SLC4A4: variants seen among roughly 807,000 people sequenced by gnomAD.
SLC4A4 encodes electrogenic sodium bicarbonate cotransporter 1.
SLC4A4 carries 27 observed loss-of-function variants against 111.5 expected under a neutral mutation model. The ratio of observed to expected loss-of-function variants is 0.24; its 90% CI spans 0.18 to 0.33. SLC4A4 has a LOEUF of 0.33. SLC4A4 is among the 10% of genes least tolerant of loss of function. SLC4A4 has a pLI of 1.00. For synonymous variants in SLC4A4, 443 were observed against 463.4 expected, an observed-to-expected ratio of 0.96 and a Z score of 0.57; for missense variants, 909 against 1,315.5, an observed-to-expected ratio of 0.69 and a Z score of 4.78.
intron 6 of SLC4A4, among the ~76,000 whole-genome samples, chr4:71,385,189 A>T (rs370672917): frequency 1.4e-3 from 21 of 14,978 alleles, no homozygotes; most frequent in Admixed American, 2.3e-3. Context: ...ATATATATAT[A>T]TATTTTTTTT....
chr4:71,533,057 T>G (rs1465641675), intron 17 of SLC4A4, among the ~76,000 whole-genome samples: 1 of 152,138 alleles, frequency 6.6e-6, no homozygotes, highest in Admixed American at 6.6e-5. Context: ...ATAATCCTCC[T>G]TCCCTCCACT....
At chr4:71,311,795 A>G (rs959586404) in intron 3 of SLC4A4, among the ~76,000 whole-genome samples, 1 of 151,962 alleles carries the variant, frequency 6.6e-6, no homozygotes, top group African/African-American at 2.4e-5. Flanking sequence ...GAGAGCAAAC[A>G]AATTTAAAAG....
chr4:71,522,522 A>T (rs1273118683), intron 16 of SLC4A4, among the ~76,000 whole-genome samples: 1 of 152,230 alleles, frequency 6.6e-6, no homozygotes, highest in African/African-American at 2.4e-5. Context: ...AAACAGCAGT[A>T]TTGGGACTAG....
At chr4:71,229,956 C>G (rs1304690798) in intron 1 of SLC4A4, among the ~76,000 whole-genome samples, 1 of 151,822 alleles carries the variant, frequency 6.6e-6, no homozygotes, top group Non-Finnish European at 1.5e-5. Flanking sequence ...ATCGCTCTTC[C>G]CTGTCGCCTG....
chr4:71,162,764 C>T (rs1001682539), intron 2 of SLC4A4, among the ~76,000 whole-genome samples: 2 of 152,104 alleles, frequency 1.3e-5, no homozygotes, highest in African/African-American at 2.4e-5. Flanking sequence ...TAATTCTTTA[C>T]GGCTACCATG....
At chr4:71,364,357 C>A (rs777044359) in intron 6 of SLC4A4, among the ~76,000 whole-genome samples, 1 of 152,098 alleles carries the variant, frequency 6.6e-6, no homozygotes, top group Non-Finnish European at 1.5e-5. Flanking sequence ...AAATGAGATA[C>A]CTTTGTGAAA....
intron 1 of SLC4A4, among the ~76,000 whole-genome samples, chr4:71,079,692 C>T (rs1741940586): frequency 6.6e-6 from 1 of 151,640 alleles, no homozygotes; most frequent in Admixed American, 6.6e-5. Flanking sequence ...GGGAGGATCA[C>T]TTGAGCCTGG....
intron 2 of SLC4A4, among the ~76,000 whole-genome samples, chr4:71,139,179 TTGTGTGTGTGTGTGTGTG>T (rs57359640): frequency 5.5e-5 from 8 of 144,544 alleles, no homozygotes; most frequent in South Asian, 2.3e-4. Flanking sequence ...TCCCTTTTCT[TTGTGTGTGTGTGTGTGTG>T]TGTGTGTGTG....
chr4:71,556,785 G>A (rs958441043), intron 21 of SLC4A4, among the ~76,000 whole-genome samples: 1 of 151,960 alleles, frequency 6.6e-6, no homozygotes, highest in African/African-American at 2.4e-5. Flanking sequence ...AACCCTTTAA[G>A]TAGGAAATCA....
intron 3 of SLC4A4, among the ~76,000 whole-genome samples, chr4:71,312,620 A>G (rs1188102042): frequency 6.6e-6 from 1 of 152,220 alleles, no homozygotes; most frequent in Non-Finnish European, 1.5e-5. Context: ...GGTTCAACAT[A>G]TGCAAATCAA....
intron 6 of SLC4A4, among the ~76,000 whole-genome samples, chr4:71,393,663 A>G (rs1394045088): frequency 6.6e-6 from 1 of 152,118 alleles, no homozygotes; most frequent in Non-Finnish European, 1.5e-5. Flanking sequence ...AGAAAAAAAA[A>G]TTCCAAAATT....
At chr4:71,276,650 A>G (rs1723093338) in intron 3 of SLC4A4, among the ~76,000 whole-genome samples, 1 of 146,150 alleles carries the variant, frequency 6.8e-6, no homozygotes, top group South Asian at 2.1e-4. Flanking sequence ...ATCGTTCATT[A>G]TTTTTGTTGC....
Position 71,339,518 on chromosome 4 carries a change from T to C in SLC4A4, c.389+13T>C, listed in dbSNP as rs762383931. 2.5e-6 allele frequency: 4 copies of C among 1,612,030 alleles called. No homozygotes were observed. The East Asian group carries it at 8.9e-5, about 36-fold the overall frequency. ...AGGAAACAGCCAGGTGAGGCATAGC[T>C]GACTGTATGTAGTACTGACCCAGGG... On this transcript the variant is annotated intron_variant, in intron 4 of 25. Coordinates refer to ENST00000264485, the MANE Select transcript of SLC4A4 (RefSeq NM_001098484.3).
At chr4:71,362,688 A>G (rs1730899719) in intron 6 of SLC4A4, among the ~76,000 whole-genome samples, 1 of 152,174 alleles carries the variant, frequency 6.6e-6, no homozygotes, top group African/African-American at 2.4e-5. Flanking sequence ...CCTCTTACGT[A>G]ATAATTTGTT....
At chr4:71,268,625 T>C (rs942257536) in intron 3 of SLC4A4, among the ~76,000 whole-genome samples, 2 of 152,238 alleles carry the variant, frequency 1.3e-5, no homozygotes, top group African/African-American at 4.8e-5. Context: ...ATTGTACTTT[T>C]GAAGTCTGTG....
intron 3 of SLC4A4, among the ~76,000 whole-genome samples, chr4:71,263,825 T>C (rs1482265994): frequency 6.6e-6 from 1 of 152,176 alleles, no homozygotes; most frequent in Non-Finnish European, 1.5e-5. Context: ...ATGGGAAATA[T>C]ATTACAATAT....
At chr4:71,094,324 G>A (rs573551447) in intron 2 of SLC4A4, among the ~76,000 whole-genome samples, 2 of 152,224 alleles carry the variant, frequency 1.3e-5, no homozygotes, top group Non-Finnish European at 2.9e-5. Flanking sequence ...CAGGGAAAAT[G>A]TATTGGAAAA....
At chr4:71,349,229 T>C (rs1484664011) in intron 4 of SLC4A4, among the ~76,000 whole-genome samples, 1 of 152,212 alleles carries the variant, frequency 6.6e-6, no homozygotes, top group Non-Finnish European at 1.5e-5. Flanking sequence ...TCTCATATTA[T>C]CAGAATAATC....
Position 71,455,025 on chromosome 4 carries a change from G to C in SLC4A4, c.1497+1356G>C, listed in dbSNP as rs558406657. On this transcript the variant is annotated intron_variant, in intron 12 of 25. Transcript: ENST00000264485. ...TAGCTAACTTGGGCTTTCTCACAGTGGGGGGACTGTGATGACGTCTAAGAG... is the reference window on the plus strand; with the variant it reads ...TAGCTAACTTGGGCTTTCTCACAGTCGGGGGACTGTGATGACGTCTAAGAG... 5.9e-5 allele frequency among the ~76,000 whole-genome samples: 9 copies of C among 152,270 alleles called. No individual in the cohort carries two copies. In the South Asian group the frequency reaches 1.7e-3, roughly 28 times the overall value.
Sources: allele counts gnomAD v4.1 joint callset (sites outside exome capture counted in the v4.1 genomes callset), GRCh38; gene constraint gnomAD v4.1.1; transcripts MANE v1.5; gene names NCBI Gene and HGNC (gene_info 2026-07-23, HGNC 2026-07-21).